Variants in AP3B1 observed in about 807,000 individuals in gnomAD.
The protein encoded by AP3B1 is adaptor related protein complex 3 subunit beta 1.
AP3B1 carries 61 observed loss-of-function variants against 132.5 expected under a neutral mutation model. That is an observed-to-expected ratio of 0.46 (90% confidence interval 0.37 to 0.57). The LOEUF (loss-of-function observed/expected upper bound fraction) is 0.57, where lower values mean the gene tolerates loss of function less well. AP3B1 is among the 20% of genes least tolerant of loss of function. The pLI is 0.00. For missense variants in AP3B1, 1,120 were observed against 1,289.4 expected, an observed-to-expected ratio of 0.87 and a Z score of 2.01; for synonymous variants, 388 against 438.3, an observed-to-expected ratio of 0.89 and a Z score of 1.43.
At chr5:78,250,870 T>G (rs1747601837) in intron 2 of AP3B1, among the ~76,000 whole-genome samples, 1 of 151,886 alleles carries the variant, frequency 6.6e-6, no homozygotes, top group Non-Finnish European at 1.5e-5. Context: ...GAAAGGATAA[T>G]GTCAAAAATT....
intron 7 of AP3B1, among the ~76,000 whole-genome samples, chr5:78,209,149 G>A (rs78216650): frequency 0.025 from 3,797 of 151,698 alleles, 183 homozygotes; most frequent in African/African-American, 0.085. Flanking sequence ...CCACCTGAAG[G>A]GACCCCTTCT....
At chr5:78,280,021 C>T (rs1748983120) in intron 1 of AP3B1, among the ~76,000 whole-genome samples, 2 of 140,214 alleles carry the variant, frequency 1.4e-5, no homozygotes, top group African/African-American at 2.6e-5. Context: ...TGCAGTGAGC[C>T]GAGATCGTGC....
At chr5:78,141,361 C>T (rs1753139643) in intron 14 of AP3B1, 42 bp from the exon 15 acceptor site, 1 of 1,502,152 alleles carries the variant, frequency 6.7e-7, no homozygotes, top group Non-Finnish European at 9.2e-7. Flanking sequence ...GTAAGTTAAT[C>T]ATACTCTAAT....
At chr5:78,095,531 T>C (rs889179395) in intron 21 of AP3B1, among the ~76,000 whole-genome samples, 3 of 152,222 alleles carry the variant, frequency 2.0e-5, no homozygotes, top group Admixed American at 1.3e-4. Context: ...GCTCAGATCA[T>C]GGTTCCTTCA....
At chr5:78,057,301 G>T (rs252780) in intron 22 of AP3B1, among the ~76,000 whole-genome samples, 2 of 151,890 alleles carry the variant, frequency 1.3e-5, no homozygotes, top group Non-Finnish European at 1.5e-5. Context: ...TTTTAGTTTA[G>T]TCCACTAGGA....
At chr5:78,231,099 G>A (rs1204440054) in intron 3 of AP3B1, among the ~76,000 whole-genome samples, 13 of 152,104 alleles carry the variant, frequency 8.5e-5, no homozygotes, top group African/African-American at 3.1e-4. Flanking sequence ...CAGCCTGGGT[G>A]ACAAAGCAAG....
intron 21 of AP3B1, among the ~76,000 whole-genome samples, chr5:78,090,673 A>C (rs892106500): frequency 1.3e-5 from 2 of 152,258 alleles, no homozygotes; most frequent in Non-Finnish European, 2.9e-5. Context: ...GTGTGAACAG[A>C]CAATAACATT....
chr5:78,198,880 T>G (rs1232083506), intron 7 of AP3B1, among the ~76,000 whole-genome samples: 1 of 152,246 alleles, frequency 6.6e-6, no homozygotes, highest in Non-Finnish European at 1.5e-5. Context: ...AATAAAACTT[T>G]TAATTTAGTA....
chr5:78,240,370 T>C (rs1169657882), intron 3 of AP3B1, among the ~76,000 whole-genome samples: 1 of 152,160 alleles, frequency 6.6e-6, no homozygotes, highest in Non-Finnish European at 1.5e-5. Flanking sequence ...GAAAACAGTA[T>C]TTTACTGGGA....
chr5:78,289,954 C>G (rs1008175516), intron 1 of AP3B1, among the ~76,000 whole-genome samples: 2 of 152,200 alleles, frequency 1.3e-5, no homozygotes, highest in Admixed American at 1.3e-4. Context: ...AAGAATCCAT[C>G]TTTCCTCCCC....
intron 2 of AP3B1, among the ~76,000 whole-genome samples, chr5:78,244,180 G>A (rs1747271835): frequency 1.3e-5 from 2 of 152,070 alleles, no homozygotes; most frequent in Non-Finnish European, 2.9e-5. Flanking sequence ...GATTACTTGA[G>A]GCCAGGAGTT....
intron 24 of AP3B1, among the ~76,000 whole-genome samples, chr5:78,026,261 T>C (rs1377049784): frequency 1.3e-5 from 2 of 152,238 alleles, no homozygotes; most frequent in African/African-American, 4.8e-5. Flanking sequence ...ATAGCCGAGC[T>C]ACATAGGACC....
Position 78,110,292 on chromosome 5 carries a change from T to C in AP3B1, c.2312A>G (p.Glu771Gly), listed in dbSNP as rs753968141. The C allele has an allele frequency of 1.2e-6, 2 of 1,609,684 alleles. No homozygotes were observed. The highest frequency in any genetic ancestry group is 1.1e-5 in the South Asian group (1 of 90,526). The change falls in exon 20 of 27, where the codon GAA (glutamate) becomes GGA (glycine). Residue 771 changes from glutamate (E) to glycine (G), a missense_variant. Physicochemically the swap from Glu to Gly is moderately conservative, Grantham distance 98. This residue lies in a region of AP3B1 where 906 missense variants were observed against 997.1 expected (regional missense o/e 0.91). Transcript: ENST00000255194. The stretch of plus-strand genomic sequence containing the variant: ...AGAACTGTCTTCTATTGAACTAGAT[T>C]CGTCATTTGAAGAATCTGAAGTTTT... ...KSKTSDSSNDESSSIEDSSSD... is the reference protein window; with the variant it reads ...KSKTSDSSNDGSSSIEDSSSD...
At chr5:78,078,577 G>A (rs910297152) in intron 22 of AP3B1, among the ~76,000 whole-genome samples, 4 of 152,036 alleles carry the variant, frequency 2.6e-5, no homozygotes, top group African/African-American at 9.7e-5. Flanking sequence ...GCTGAAATAC[G>A]CATCTCCTCT....
At chr5:78,125,540 ATT>A (rs1415330947) in intron 17 of AP3B1, among the ~76,000 whole-genome samples, 1 of 152,116 alleles carries the variant, frequency 6.6e-6, no homozygotes, top group African/African-American at 2.4e-5. Flanking sequence ...TACGGACATT[ATT>A]TTTTGTATTG....
chr5:78,131,558 ATTATT>A (rs1379991619), intron 15 of AP3B1, among the ~76,000 whole-genome samples: 3 of 152,092 alleles, frequency 2.0e-5, no homozygotes, highest in African/African-American at 7.2e-5. Context: ...TTTTCAAATA[ATTATT>A]TTATTTATCC....
At chr5:78,001,167 T>C (rs1746194532), downstream of AP3B1, 1 of 152,202 alleles carries the variant, frequency 6.6e-6, no homozygotes, top group South Asian at 2.1e-4. Context: ...CCTTTCTCAA[T>C]CACAACATGC....
intron 1 of AP3B1, among the ~76,000 whole-genome samples, chr5:78,293,300 T>C (rs1011505174): frequency 1.3e-5 from 2 of 152,236 alleles, no homozygotes; most frequent in Non-Finnish European, 2.9e-5. Context: ...ATTTTGCTAA[T>C]AGTAGAGGCA....
At chr5:78,048,238 A>G (rs1196218143) in intron 22 of AP3B1, among the ~76,000 whole-genome samples, 1 of 152,234 alleles carries the variant, frequency 6.6e-6, no homozygotes, top group Non-Finnish European at 1.5e-5. Context: ...CAAAGTGTTG[A>G]GTAAGTCCAA....
Sources: allele counts gnomAD v4.1 joint callset (sites outside exome capture counted in the v4.1 genomes callset), GRCh38; gene constraint gnomAD v4.1.1; regional missense constraint gnomAD v4.1.1; transcripts MANE v1.5; gene names NCBI Gene and HGNC (gene_info 2026-07-23, HGNC 2026-07-21).